Variants in ROCK2 observed in about 807,000 individuals in gnomAD.
ROCK2 encodes Rho associated coiled-coil containing protein kinase 2.
ROCK2 carries 61 observed loss-of-function variants against 195.1 expected under a neutral mutation model. That is an observed-to-expected ratio of 0.31 (90% CI 0.25 to 0.39). The LOEUF (loss-of-function observed/expected upper bound fraction) is 0.39, where lower values mean the gene tolerates loss of function less well. Ranked by LOEUF, ROCK2 falls within the 10% of genes least tolerant of loss-of-function variation. The probability of loss-of-function intolerance (pLI) is 1.00; values close to 1 mark genes in which losing one functional copy is unlikely to be tolerated. For synonymous variants in ROCK2, 504 were observed against 545.5 expected, an observed-to-expected ratio of 0.92 and a Z score of 1.06; for missense variants, 1,109 against 1,637.4, an observed-to-expected ratio of 0.68 and a Z score of 5.57.
chr2:11,285,760 A>C (rs555722572), intron 3 of ROCK2, among the ~76,000 whole-genome samples: 1 of 152,166 alleles, frequency 6.6e-6, no homozygotes, highest in Admixed American at 6.5e-5. Flanking sequence ...TTGAGAAGTC[A>C]AGACTGCAGT....
intron 1 of ROCK2, among the ~76,000 whole-genome samples, chr2:11,343,516 T>A (rs1405268523): frequency 6.6e-6 from 1 of 152,214 alleles, no homozygotes; most frequent in Non-Finnish European, 1.5e-5. Flanking sequence ...AGCTGTGTGT[T>A]CCAAGATTTC....
chr2:11,246,214 G>T (rs1665610041), intron 4 of ROCK2, among the ~76,000 whole-genome samples: 1 of 152,124 alleles, frequency 6.6e-6, no homozygotes, highest in South Asian at 2.1e-4. Flanking sequence ...ATCTGATCAA[G>T]CCTCTATATC....
rs970950658 is a variant in ROCK2, at chr2:11,192,065, T to A, written c.4163+83A>T. On this transcript the variant is annotated intron_variant, in intron 32 of 32. Transcript: ENST00000315872. This position sits in a 1 kb window ranked among gnomAD's most constrained non-coding sequence, Gnocchi z 5.0. ...AAATACAAAGCAAAGGAAAACTAAT[T>A]AGGAAAATTTGTAGTTTGAACATAA... 1.0e-5 allele frequency: 10 copies of A among 989,312 alleles called. No individual in the cohort carries two copies. Among genetic ancestry groups the A allele is most frequent in the East Asian group, 7.3e-5 (3 of 40,934 alleles). The allele number at this position is 989,312 out of a possible 1,614,324, so 61.3% of individuals were successfully genotyped here.
intron 1 of ROCK2, among the ~76,000 whole-genome samples, chr2:11,296,768 C>T (rs1427769443): frequency 6.6e-6 from 1 of 152,128 alleles, no homozygotes; most frequent in African/African-American, 2.4e-5. Context: ...CTTTAAATCT[C>T]ATTTTTGACA....
chr2:11,200,188 CTA>C (rs1249033215), intron 23 of ROCK2, among the ~76,000 whole-genome samples: 1 of 152,168 alleles, frequency 6.6e-6, no homozygotes, highest in African/African-American at 2.4e-5. Flanking sequence ...TACATATACT[CTA>C]GATACAAATC....
Position 11,198,554 on chromosome 2 carries a change from G to A in ROCK2, c.3036C>T (p.Ser1012=), listed in dbSNP as rs1663725607. 18 of 1,613,250 alleles carry A rather than the reference G, an allele frequency of 1.1e-5. No homozygotes were observed. The highest frequency in any genetic ancestry group is 1.7e-4 in the Middle Eastern group (1 of 5,882). ...CAAACTGTGCTTTAATAGCTGCTGC[G>A]CTTATTTCTTCATCTTTCAATCTTG... ...QLSRLKDEEI[S]AAAIKAQFEK... is the part of the protein sequence containing the mutation. Residue 1012 remains serine, a synonymous_variant, in exon 25 of 33, where the codon AGC becomes AGT. Transcript: ENST00000315872.
intron 11 of ROCK2, 112 bp downstream of exon 11, chr2:11,218,342 CT>C: frequency 3.1e-6 from 2 of 650,534 alleles, no homozygotes; most frequent in Admixed American, 6.5e-5. Context: ...GGGAACTTCT[CT>C]CTTGGGTAGA....
At chr2:11,334,752 G>A (rs546172073) in intron 1 of ROCK2, among the ~76,000 whole-genome samples, 9 of 150,620 alleles carry the variant, frequency 6.0e-5, no homozygotes, top group African/African-American at 2.2e-4. Context: ...ATAAAGTACT[G>A]CTAGAGAACA....
chr2:11,331,386 T>C (rs557240361), intron 1 of ROCK2, among the ~76,000 whole-genome samples: 10 of 152,236 alleles, frequency 6.6e-5, no homozygotes, highest in South Asian at 2.1e-4. Context: ...CCAAGTGCAA[T>C]AGTACTTAAA....
chr2:11,268,450 G>A (rs1398146752), intron 3 of ROCK2, among the ~76,000 whole-genome samples: 2 of 149,940 alleles, frequency 1.3e-5, no homozygotes, highest in Non-Finnish European at 3.0e-5. Flanking sequence ...TCAGCCCTCC[G>A]GATGTAACAG....
At chr2:11,286,701 C>A in intron 2 of ROCK2, 62 bp from the exon 3 acceptor site, 1 of 949,938 alleles carries the variant, frequency 1.1e-6, no homozygotes, top group Non-Finnish European at 1.6e-6. Flanking sequence ...ACATAATCAA[C>A]ATTTATAAAT....
At position 11,179,788 on chromosome 2, in the gene ROCK2, T is replaced by C. The variant is rs1558264792; in HGVS notation, c.*3649A>G. On this transcript the variant is annotated 3_prime_UTR_variant, in exon 33 of 33. Transcript: ENST00000315872. ...AATGCTTATGTCTCCATTTATTTTATTTTATTTTTTTATAAAAAAGCAGGC... is the reference window on the plus strand; with the variant it reads ...AATGCTTATGTCTCCATTTATTTTACTTTATTTTTTTATAAAAAAGCAGGC... The C allele has an allele frequency of 6.6e-6, 1 of 151,944 alleles. No individual in the cohort carries two copies. Among genetic ancestry groups the C allele is most frequent in the African/African-American group, 2.4e-5 (1 of 41,418 alleles). 9.4% of individuals were successfully genotyped at this position (151,944 alleles called of 1,614,324 possible). A position where few individuals can be genotyped will look rare whatever the true frequency, so the allele number is the denominator to read the frequency against.
chr2:11,260,293 C>A (rs1002683326), intron 3 of ROCK2, among the ~76,000 whole-genome samples: 7 of 145,816 alleles, frequency 4.8e-5, no homozygotes, highest in South Asian at 2.1e-4. Flanking sequence ...ACTAAAAACA[C>A]AAAAATTAGC....
chr2:11,344,292 G>T lies in ROCK2; in HGVS notation c.-156C>A. On this transcript the variant is annotated 5_prime_UTR_variant, in exon 1 of 33. Coordinates refer to ENST00000315872, the MANE Select transcript of ROCK2 (RefSeq NM_004850.5). This position sits in a 1 kb window ranked among gnomAD's most constrained non-coding sequence, Gnocchi z 5.4. ...CTTCGGGTCTCCAAGGCGGTCCCCC[G>T]CCTGGGGGCTGCTCCCAGGGGCCCG... 1.6e-6 allele frequency: 2 copies of T among 1,245,452 alleles called. No homozygotes were observed. The highest frequency in any genetic ancestry group is 2.0e-6 in the Non-Finnish European group (2 of 996,312). 77.2% of individuals were successfully genotyped at this position (1,245,452 alleles called of 1,614,324 possible). A position where few individuals can be genotyped will look rare whatever the true frequency, so the allele number is the denominator to read the frequency against.
chr2:11,284,989 G>A (rs1268996872), intron 3 of ROCK2, among the ~76,000 whole-genome samples: 2 of 152,222 alleles, frequency 1.3e-5, no homozygotes, highest in Non-Finnish European at 2.9e-5. Flanking sequence ...GAGGCTGGGT[G>A]CAGTGGCTCA....
At chr2:11,314,917 C>A (rs1238773156) in intron 1 of ROCK2, among the ~76,000 whole-genome samples, 1 of 151,972 alleles carries the variant, frequency 6.6e-6, no homozygotes, top group Admixed American at 6.6e-5. Context: ...TGAATTATTA[C>A]TTTATTAAAA....
chr2:11,320,613 G>A (rs998214141), intron 1 of ROCK2, among the ~76,000 whole-genome samples: 1 of 152,166 alleles, frequency 6.6e-6, no homozygotes, highest in Non-Finnish European at 1.5e-5. Context: ...TTAATGCTTA[G>A]GGAGTTAAAA....
intron 4 of ROCK2, among the ~76,000 whole-genome samples, chr2:11,238,398 C>T (rs1403724862): frequency 2.0e-5 from 3 of 152,108 alleles, no homozygotes; most frequent in African/African-American, 4.8e-5. Flanking sequence ...ATCTCCATCT[C>T]AATCCCAGTG....
At chr2:11,331,884 C>T (rs1428733186) in intron 1 of ROCK2, among the ~76,000 whole-genome samples, 1 of 152,226 alleles carries the variant, frequency 6.6e-6, no homozygotes, top group African/African-American at 2.4e-5. Flanking sequence ...TGAGATCACA[C>T]TGCTGCACTC....
Sources: gnomAD v4.1 joint callset for allele counts (sites outside exome capture counted in the v4.1 genomes callset) on GRCh38, gnomAD v4.1.1 for gene constraint, Gnocchi (gnomAD v3.1) non-coding constraint, MANE v1.5 for transcripts, NCBI Gene and HGNC (gene_info 2026-07-23, HGNC 2026-07-21) for gene names.